The following NFATC1 variants were observed in gnomAD, a reference collection of about 807,000 sequenced individuals.
The protein encoded by NFATC1 is nuclear factor of activated T cells 1, also known as nuclear factor of activated T-cells, cytoplasmic 1.
Under a neutral mutation model 76.0 loss-of-function variants are expected in NFATC1, and 22 were observed. That is an observed-to-expected ratio of 0.29 (90% CI 0.21 to 0.41). The LOEUF is 0.41. NFATC1 is among the 10% of genes least tolerant of loss of function. The probability of loss-of-function intolerance (pLI) is 1.00; values close to 1 mark genes in which losing one functional copy is unlikely to be tolerated. For missense variants in NFATC1, 1,357 were observed against 1,337.7 expected (o/e 1.01, Z -0.23); for synonymous variants, 704 against 613.1 (o/e 1.15, Z -2.19).
chr18:79,440,656 G>A (rs1045167010), intron 3 of NFATC1, among the ~76,000 whole-genome samples: 5 of 152,220 alleles, frequency 3.3e-5, no homozygotes, highest in East Asian at 1.9e-4. Flanking sequence ...GGGTTCTCCC[G>A]GGAAGGAGCG....
chr18:79,419,006 G>C lies in NFATC1; in HGVS notation c.1226+7505G>C, dbSNP rs142849478. ...GAAGGCACTCTGTTCCTGGAAAGGA[G>C]AAAACAACGTGGCTTTTTGCTCAGA... On this transcript the variant is annotated intron_variant, in intron 2 of 9. Transcript: ENST00000427363. 9.3e-4 allele frequency among the ~76,000 whole-genome samples: 141 copies of C among 152,318 alleles called. 1 individual carries two copies. Among genetic ancestry groups the C allele is most frequent in the African/African-American group, 3.1e-3 (128 of 41,570 alleles).
intron 9 of NFATC1, among the ~76,000 whole-genome samples, chr18:79,503,198 A>G (rs998764953): frequency 3.3e-5 from 5 of 152,206 alleles, no homozygotes; most frequent in Admixed American, 3.3e-4. Flanking sequence ...GCTCTGGGAA[A>G]AATCCACACA....
chr18:79,495,511 A>G (rs79094566), intron 9 of NFATC1, among the ~76,000 whole-genome samples: 9,724 of 152,280 alleles, frequency 0.064, 409 homozygotes, highest in Admixed American at 0.097. Flanking sequence ...AGAGCTGTCT[A>G]AAATTAGTAA....
intron 9 of NFATC1, among the ~76,000 whole-genome samples, chr18:79,526,121 G>A (rs111485419): frequency 0.043 from 6,494 of 152,366 alleles, 215 homozygotes; most frequent in Admixed American, 0.075. Flanking sequence ...AGCGCCGCCC[G>A]AGTGTCACGG....
intron 9 of NFATC1, among the ~76,000 whole-genome samples, chr18:79,509,858 G>A (rs1298556120): frequency 1.3e-5 from 2 of 152,170 alleles, no homozygotes; most frequent in Non-Finnish European, 1.5e-5. Context: ...ACCTCACCTC[G>A]GTGTTTGGAA....
intron 3 of NFATC1, among the ~76,000 whole-genome samples, chr18:79,437,007 A>C (rs2086803772): frequency 6.6e-6 from 1 of 152,146 alleles, no homozygotes; most frequent in Non-Finnish European, 1.5e-5. Context: ...ACGGCGCTAA[A>C]AACACCAGCA....
At chr18:79,501,019 G>A (rs966873401) in intron 9 of NFATC1, among the ~76,000 whole-genome samples, 1 of 150,854 alleles carries the variant, frequency 6.6e-6, no homozygotes, top group Non-Finnish European at 1.5e-5. Context: ...AAAATCAAAA[G>A]TATCGTAAGA....
intron 8 of NFATC1, among the ~76,000 whole-genome samples, chr18:79,474,865 C>T (rs530460295): frequency 2.9e-5 from 4 of 140,026 alleles, no homozygotes; most frequent in South Asian, 2.3e-4. Flanking sequence ...CTGAGGGAAG[C>T]GTGTTCTCAC....
In NFATC1 at chr18:79,444,785, C is replaced by T. The variant is rs188699632; in HGVS notation, c.1387-3997C>T. Reference sequence around the variant, plus strand: ...ACACCGGCGCTGCACACACAGGCACCCCCGTGGCCACACACATGCCTGCAC... The same window carrying T: ...ACACCGGCGCTGCACACACAGGCACTCCCGTGGCCACACACATGCCTGCAC... On this transcript the variant is annotated intron_variant, in intron 3 of 9. Transcript: ENST00000427363. Among the ~76,000 whole-genome samples, 8 of 148,212 alleles carry T rather than the reference C, an allele frequency of 5.4e-5. 1 individual carries two copies. Among genetic ancestry groups the T allele is most frequent in the African/African-American group, 2.1e-4 (8 of 37,834 alleles).
At chr18:79,508,878 C>G (rs1348750288) in intron 9 of NFATC1, among the ~76,000 whole-genome samples, 2 of 151,986 alleles carry the variant, frequency 1.3e-5, no homozygotes, top group Non-Finnish European at 2.9e-5. Flanking sequence ...GCCTCTCTGT[C>G]TCTCTCTCCG....
chr18:79,486,398 T>G lies in NFATC1; in HGVS notation c.2243T>G (p.Phe748Cys), dbSNP rs1198331367. The stretch of plus-strand genomic sequence containing the variant: ...CCCAGCTCCTGCCTCGTGGCCGGCT[T>G]CCCGCCCTGTCCGCAGAGAAGCACC... ...PDPSSCLVAGFPPCPQRSTLM... is the reference protein window; with the variant it reads ...PDPSSCLVAGCPPCPQRSTLM... Residue 748 changes from phenylalanine (F) to cysteine (C), a missense_variant, in exon 9 of 10, where the codon TTC (phenylalanine) becomes TGC (cysteine). Around this residue, in one of 3 missense-constraint regions of NFATC1, gnomAD observed 424 missense variants for 395.4 expected, o/e 1.07. Coordinates refer to ENST00000427363, the MANE Select transcript of NFATC1 (RefSeq NM_001278669.2). 6.2e-7 allele frequency: 1 copy of G among 1,612,572 alleles called. No individual in the cohort carries two copies. Among genetic ancestry groups the G allele is most frequent in the African/African-American group, 1.3e-5 (1 of 74,864 alleles).
chr18:79,468,919 C>T (rs2088656175), intron 8 of NFATC1: 1 of 149,560 alleles, frequency 6.7e-6, no homozygotes, highest in Non-Finnish European at 1.5e-5. Context: ...GGGGAAGAGC[C>T]TCATGCTCTG....
intron 8 of NFATC1, among the ~76,000 whole-genome samples, chr18:79,482,704 C>T (rs1419597129): frequency 7.2e-6 from 1 of 138,512 alleles, no homozygotes; most frequent in African/African-American, 2.7e-5. Flanking sequence ...TGACCTGGTT[C>T]CTGGGGTGTA....
chr18:79,504,864 G>T (rs1387625437), intron 9 of NFATC1, among the ~76,000 whole-genome samples: 10 of 127,630 alleles, frequency 7.8e-5, no homozygotes, highest in Admixed American at 3.0e-4. Flanking sequence ...CCTTGGGTGA[G>T]GGAAGAGGCA....
At chr18:79,512,097 G>A (rs1301883752) in intron 9 of NFATC1, among the ~76,000 whole-genome samples, 1 of 152,134 alleles carries the variant, frequency 6.6e-6, no homozygotes, top group Non-Finnish European at 1.5e-5. Context: ...GGCGGACAGA[G>A]AGGCCCAGGA....
intron 9 of NFATC1, among the ~76,000 whole-genome samples, chr18:79,512,815 G>A (rs1162188571): frequency 1.3e-5 from 2 of 152,340 alleles, no homozygotes; most frequent in Admixed American, 1.3e-4. Context: ...AGGTCCTGAG[G>A]GCGCCTTCTC....
At chr18:79,514,564 C>CA (rs61341859) in intron 9 of NFATC1, among the ~76,000 whole-genome samples, 582 of 47,232 alleles carry the variant, frequency 0.012, 20 homozygotes, top group East Asian at 0.036. Flanking sequence ...GACCCTGCCT[C>CA]AAAAAAAAAA....
At chr18:79,466,021 T>C (rs979165395) in intron 7 of NFATC1, among the ~76,000 whole-genome samples, 2 of 152,158 alleles carry the variant, frequency 1.3e-5, no homozygotes, top group Non-Finnish European at 2.9e-5. Context: ...TGCAGTTAAT[T>C]AAACAACACA....
chr18:79,442,306 T>C (rs2087009450), intron 3 of NFATC1, among the ~76,000 whole-genome samples: 1 of 152,332 alleles, frequency 6.6e-6, no homozygotes, highest in African/African-American at 2.4e-5. Context: ...TCCCCACCTC[T>C]GTCCACCCTC....
Sources: gnomAD v4.1 joint callset for allele counts (sites outside exome capture counted in the v4.1 genomes callset) on GRCh38, gnomAD v4.1.1 for gene constraint, gnomAD v4.1.1 regional missense constraint, MANE v1.5 for transcripts, NCBI Gene and HGNC (gene_info 2026-07-23, HGNC 2026-07-21) for gene names.